AGAP4: variants seen among roughly 807,000 people sequenced by gnomAD.
AGAP4 encodes the protein ArfGAP with GTPase domain, ankyrin repeat and PH domain 4, also known as arf-GAP with GTPase, ANK repeat and PH domain-containing protein 4.
In AGAP4, 13 loss-of-function variants were observed where a neutral mutation model predicts 60.7. That is an observed-to-expected ratio of 0.21 (90% confidence interval 0.14 to 0.34). The LOEUF is 0.34. Among genes scored for constraint, AGAP4 ranks in the 10% least tolerant of loss-of-function variants. The pLI, the probability that AGAP4 is intolerant of heterozygous loss-of-function variation, is 1.00. For missense variants in AGAP4, 169 were observed against 884.0 expected, an observed-to-expected ratio of 0.19 and a Z score of 10.26; for synonymous variants, 70 against 339.0, an observed-to-expected ratio of 0.21 and a Z score of 8.72.
chr10:45,838,968 TA>T (rs1339806369), intron 4 of AGAP4, among the ~76,000 whole-genome samples: 34 of 130,274 alleles, frequency 2.6e-4, no homozygotes, highest in African/African-American at 9.5e-4. Flanking sequence ...TACATTAATT[TA>T]AAAAATTCTC....
At chr10:45,835,844 T>C (rs1396134753) in intron 4 of AGAP4, among the ~76,000 whole-genome samples, 1 of 147,654 alleles carries the variant, frequency 6.8e-6, no homozygotes, top group African/African-American at 2.5e-5. Flanking sequence ...TCTTACTACA[T>C]TTAATTACAG....
chr10:45,849,879 A>C (rs1484088351), upstream of AGAP4, among the ~76,000 whole-genome samples: 1 of 151,344 alleles, frequency 6.6e-6, no homozygotes, highest in East Asian at 2.0e-4. Context: ...AAGTGCTAGG[A>C]CTACAGGCAT....
rs1554896304 is a variant in AGAP4 at position 45,826,578 on chromosome 10, G to C, written c.1398C>G (p.Ala466=). Residue 466 remains alanine, a synonymous_variant, in exon 8 of 8, where the codon GCC becomes GCG. Coordinates refer to ENST00000616763, the MANE Select transcript of AGAP4 (RefSeq NM_001276343.3). ...SQLTSQSKAM[A]LQSIQNMRGN... ...CACGCATGTTTTGGATCGACTGCAG[G>C]GCCATGGCCTTGCTCTGGCTGGTCA... is the stretch of plus-strand genomic sequence containing the variant. 1 of 1,429,130 alleles carries C rather than the reference G, an allele frequency of 7.0e-7. No individual in the cohort carries two copies. The highest frequency in any genetic ancestry group is 2.4e-5 in the East Asian group (1 of 40,882). The allele number at this position is 1,429,130 out of a possible 1,614,324, so 88.5% of individuals were successfully genotyped here.
upstream of AGAP4, among the ~76,000 whole-genome samples, chr10:45,851,496 T>C (rs1220581159): frequency 6.6e-6 from 1 of 151,928 alleles, no homozygotes; most frequent in African/African-American, 2.4e-5. Context: ...TGTGTGTGTG[T>C]GTGTGAGCGA....
At position 45,834,885 on chromosome 10, in the gene AGAP4, TGACTCAGCCTCCTGAGTAGCTGG is replaced by T. The variant is rs1372721203; in HGVS notation, c.397-792_397-770del. Among the ~76,000 whole-genome samples, 286 of 146,836 alleles carry T rather than the reference TGACTCAGCCTCCTGAGTAGCTGG, an allele frequency of 1.9e-3. 16 individuals carry two copies. Among genetic ancestry groups the T allele is most frequent in the African/African-American group, 7.5e-3 (278 of 37,268 alleles). On this transcript the variant is annotated intron_variant, in intron 4 of 7. Transcript: ENST00000616763. The stretch of plus-strand genomic sequence containing the variant: ...GCCTCCCGGGTTCACGCCATTCTCC[TGACTCAGCCTCCTGAGTAGCTGG>T]GACTACAGGCGCCCACCACCGTGCC...
Position 45,825,925 on chromosome 10 carries a change from T to C in AGAP4, c.2051A>G (p.Lys684Arg), listed in dbSNP as rs555606083. The C allele has an allele frequency of 5.4e-6, 7 of 1,307,854 alleles. 2 individuals are homozygous for C. Among genetic ancestry groups the C allele is most frequent in the African/African-American group, 3.1e-5 (2 of 63,926 alleles). The allele number at this position is 1,307,854 out of a possible 1,614,324, so 81.0% of individuals were successfully genotyped here. A position where few individuals can be genotyped will look rare whatever the true frequency, so the allele number is the denominator to read the frequency against. ...NVLLQYGCPD[K>R]CV Reference sequence around the variant, plus strand: ...CAAATAAAACAGATACTACACACACTTGTCGGGGCAGCCGTACTGCAGAAG... The same window carrying C: ...CAAATAAAACAGATACTACACACACCTGTCGGGGCAGCCGTACTGCAGAAG... The change falls in exon 8 of 8, where the codon AAG becomes AGG. Residue 684 changes from lysine to arginine, a missense_variant. Coordinates refer to ENST00000616763, the MANE Select transcript of AGAP4 (RefSeq NM_001276343.3).
intron 4 of AGAP4, among the ~76,000 whole-genome samples, chr10:45,839,961 T>C (rs1480745894): frequency 7.4e-5 from 11 of 148,818 alleles, no homozygotes; most frequent in Admixed American, 7.3e-4. Context: ...GGGGAAAAAT[T>C]AAAAATCAAT....
upstream of AGAP4, chr10:45,847,639 A>C (rs1394230737): frequency 1.6e-5 from 22 of 1,382,820 alleles, no homozygotes; most frequent in Non-Finnish European, 2.0e-5. Context: ...ACAAGTGCTG[A>C]GAGACACAAC....
chr10:45,843,187 C>A (rs1399757643), intron 3 of AGAP4, among the ~76,000 whole-genome samples: 3 of 117,366 alleles, frequency 2.6e-5, no homozygotes, highest in African/African-American at 1.1e-4. Context: ...GTCCCAACTA[C>A]TCGGGAGGCT....
At chr10:45,837,080 T>G (rs1290423582) in intron 4 of AGAP4, among the ~76,000 whole-genome samples, 1 of 139,018 alleles carries the variant, frequency 7.2e-6, no homozygotes, top group Non-Finnish European at 1.6e-5. Flanking sequence ...TTGGCCAGGC[T>G]GGTCTCGAAC....
At chr10:45,852,692 T>C (rs1330562245) in intron 1 of AGAP4, among the ~76,000 whole-genome samples, 1 of 151,794 alleles carries the variant, frequency 6.6e-6, no homozygotes, top group African/African-American at 2.4e-5. Context: ...AGGTGATGTG[T>C]TGAAATGCGG....
chr10:45,836,636 A>G (rs1387700962), intron 4 of AGAP4, among the ~76,000 whole-genome samples: 2 of 90,174 alleles, frequency 2.2e-5, no homozygotes, highest in East Asian at 5.6e-4. Context: ...TGGGTTTGTC[A>G]TAGATGGCTT....
chr10:45,827,320 G>C lies in AGAP4; in HGVS notation c.656C>G (p.Pro219Arg). The change falls in exon 8 of 8, where the codon CCA becomes CGA. Residue 219 changes from proline to arginine, a missense_variant. Coordinates refer to ENST00000616763, the MANE Select transcript of AGAP4 (RefSeq NM_001276343.3). ...CTCCTGGCTGGTGCTGGGAGTCGAT[G>C]GAATGGAGGAGGAATAGTTATTTAA... ...GSLNNYSSSI[P>R]STPSTSQEDP... The C allele has an allele frequency of 1.3e-6, 2 of 1,592,054 alleles. 1 individual carries two copies.
rs1234202753 is a variant in AGAP4 at position 45,830,406 on chromosome 10, A to T, written c.533+988T>A. 4.7e-4 allele frequency among the ~76,000 whole-genome samples: 62 copies of T among 130,846 alleles called. 1 individual carries two copies. Among genetic ancestry groups the T allele is most frequent in the Non-Finnish European group, 9.7e-4 (58 of 59,994 alleles). The allele number at this position is 130,846 out of a possible 152,430, so 85.8% of individuals were successfully genotyped here. A position where few individuals can be genotyped will look rare whatever the true frequency, so the allele number is the denominator to read the frequency against. On this transcript the variant is annotated intron_variant, in intron 6 of 7. Coordinates refer to ENST00000616763, the MANE Select transcript of AGAP4 (RefSeq NM_001276343.3). ...GGGCTGGTCTCAAACTCCTGACCTCAAGTGATCCACCCACCTCGGCCTCCC... is the reference window on the plus strand; with the variant it reads ...GGGCTGGTCTCAAACTCCTGACCTCTAGTGATCCACCCACCTCGGCCTCCC...
chr10:45,831,544 T>C (rs2058732047), intron 5 of AGAP4, 115 bp from the exon 6 acceptor site: 4 of 925,480 alleles, frequency 4.3e-6, no homozygotes, highest in Admixed American at 2.2e-5. Flanking sequence ...TCAAATCTTC[T>C]AGTTCAGAAC....
upstream of AGAP4, among the ~76,000 whole-genome samples, chr10:45,851,072 T>G (rs1367839311): frequency 6.6e-6 from 1 of 151,918 alleles, no homozygotes; most frequent in Non-Finnish European, 1.5e-5. Context: ...AGGCACCTTG[T>G]ATAAAATAAA....
intron 5 of AGAP4, 23 bp from the exon 6 acceptor site, chr10:45,831,452 A>G (rs1371035501): frequency 6.3e-7 from 1 of 1,588,166 alleles, no homozygotes; most frequent in South Asian, 1.1e-5. Flanking sequence ...AAAAATTCAT[A>G]ACAATAGATG....
intron 2 of AGAP4, 102 bp from the exon 3 acceptor site, chr10:45,844,496 A>C: frequency 6.5e-7 from 1 of 1,548,246 alleles, no homozygotes; most frequent in Non-Finnish European, 8.7e-7. Flanking sequence ...CACTATCTCT[A>C]CTTTGATTCT....
intron 3 of AGAP4, among the ~76,000 whole-genome samples, 172 bp from the exon 4 acceptor site, chr10:45,841,859 C>A (rs1247683863): frequency 0.041 from 6,261 of 151,540 alleles, 449 homozygotes; most frequent in African/African-American, 0.14. Context: ...TTTCATAAGT[C>A]AAATCTAAAA....
Sources: gnomAD v4.1 joint callset for allele counts (sites outside exome capture counted in the v4.1 genomes callset) on GRCh38, gnomAD v4.1.1 for gene constraint, MANE v1.5 for transcripts, NCBI Gene and HGNC (gene_info 2026-07-23, HGNC 2026-07-21) for gene names.